Variants in DYNC1I1 observed in about 807,000 individuals in gnomAD.
DYNC1I1 encodes the protein dynein cytoplasmic 1 intermediate chain 1, also known as cytoplasmic dynein 1 intermediate chain 1.
In DYNC1I1, 43 loss-of-function variants were observed where a neutral mutation model predicts 86.6. The ratio of observed to expected loss-of-function variants is 0.50; its 90% confidence interval spans 0.39 to 0.64. DYNC1I1 has a LOEUF of 0.64. Among genes scored for constraint, DYNC1I1 ranks in the 30% least tolerant of loss-of-function variants. DYNC1I1 has a pLI of 0.00. For missense variants in DYNC1I1, 604 were observed against 788.8 expected (o/e 0.77, Z 2.81); for synonymous variants, 262 against 283.7 (o/e 0.92, Z 0.77).
intron 5 of DYNC1I1, among the ~76,000 whole-genome samples, chr7:95,838,586 G>A (rs898350899): frequency 1.3e-5 from 2 of 152,100 alleles, no homozygotes; most frequent in Admixed American, 1.3e-4. Flanking sequence ...TATCATTTAA[G>A]TTTTGGTAGA....
chr7:95,825,445 G>A (rs1304668230), intron 4 of DYNC1I1, among the ~76,000 whole-genome samples: 1 of 152,160 alleles, frequency 6.6e-6, no homozygotes, highest in Non-Finnish European at 1.5e-5. Context: ...CTGCTCTTTT[G>A]TCTACAGCAG....
intron 10 of DYNC1I1, among the ~76,000 whole-genome samples, chr7:96,006,348 G>T (rs1389090782): frequency 6.6e-6 from 1 of 152,126 alleles, no homozygotes; most frequent in Non-Finnish European, 1.5e-5. Flanking sequence ...TGGAGCAGGT[G>T]CTCAGAGGAG....
chr7:95,989,277 A>G (rs1326575718), intron 9 of DYNC1I1, among the ~76,000 whole-genome samples: 1 of 152,210 alleles, frequency 6.6e-6, no homozygotes, highest in Non-Finnish European at 1.5e-5. Flanking sequence ...CCTCATCAGC[A>G]ATAAAGTGGG....
At chr7:95,836,506 C>T (rs1254793165) in intron 5 of DYNC1I1, among the ~76,000 whole-genome samples, 28 of 151,494 alleles carry the variant, frequency 1.8e-4, no homozygotes, top group African/African-American at 4.4e-4. Context: ...TGAATCTGAA[C>T]GTTGGCCTGC....
chr7:96,087,281 A>T (rs1164982924), intron 16 of DYNC1I1, among the ~76,000 whole-genome samples: 4 of 150,544 alleles, frequency 2.7e-5, no homozygotes, highest in Non-Finnish European at 4.4e-5. Context: ...TAATTCAAAC[A>T]AGAGTCCCTT....
intron 5 of DYNC1I1, among the ~76,000 whole-genome samples, chr7:95,831,438 T>A (rs997312860): frequency 6.6e-6 from 1 of 152,196 alleles, no homozygotes; most frequent in Non-Finnish European, 1.5e-5. Context: ...AGTGGTGTGA[T>A]CTTGGCTCAC....
intron 16 of DYNC1I1, among the ~76,000 whole-genome samples, chr7:96,093,891 G>GA (rs1790921081): frequency 6.6e-6 from 1 of 152,018 alleles, no homozygotes; most frequent in Non-Finnish European, 1.5e-5. Flanking sequence ...TATTCTCAGA[G>GA]AAAAAATCCA....
At chr7:95,787,605 A>G (rs1215443659) in intron 1 of DYNC1I1, among the ~76,000 whole-genome samples, 2 of 152,314 alleles carry the variant, frequency 1.3e-5, no homozygotes, top group Non-Finnish European at 1.5e-5. Context: ...AGCCATATTT[A>G]TTCATTCATT....
chr7:95,921,472 CCA>C (rs1791608112), intron 6 of DYNC1I1, among the ~76,000 whole-genome samples: 1 of 152,198 alleles, frequency 6.6e-6, no homozygotes, highest in Non-Finnish European at 1.5e-5. Context: ...CTAGCTCTTT[CCA>C]CAGTTTCCAT....
At chr7:95,777,045 C>T (rs890505028) in intron 1 of DYNC1I1, among the ~76,000 whole-genome samples, 4 of 152,158 alleles carry the variant, frequency 2.6e-5, no homozygotes, top group African/African-American at 9.7e-5. Context: ...CCTACCATAG[C>T]TCATAGTTTC....
chr7:95,966,118 C>A (rs1184732741), intron 6 of DYNC1I1, among the ~76,000 whole-genome samples: 2 of 152,128 alleles, frequency 1.3e-5, no homozygotes, highest in African/African-American at 4.8e-5. Context: ...GAGGAGTCTA[C>A]TTCTATAATA....
At chr7:96,071,671 G>A (rs976238399) in intron 14 of DYNC1I1, among the ~76,000 whole-genome samples, 4 of 152,050 alleles carry the variant, frequency 2.6e-5, no homozygotes, top group African/African-American at 9.7e-5. Context: ...TAGCTTTCAG[G>A]AGAAAAAGAT....
chr7:95,830,504 A>C (rs1208991100), intron 5 of DYNC1I1, among the ~76,000 whole-genome samples: 1 of 152,200 alleles, frequency 6.6e-6, no homozygotes, highest in East Asian at 1.9e-4. Context: ...ATTCAGAAGG[A>C]TTATTTTGAG....
chr7:96,059,863 C>T (rs6965020), intron 14 of DYNC1I1, among the ~76,000 whole-genome samples: 35,780 of 151,958 alleles, frequency 0.24, 4,430 homozygotes, highest in East Asian at 0.33. Flanking sequence ...AAAACTGAAC[C>T]GACAGAAGAT....
At chr7:95,993,726 T>G (rs1793788173) in intron 9 of DYNC1I1, among the ~76,000 whole-genome samples, 1 of 152,220 alleles carries the variant, frequency 6.6e-6, no homozygotes, top group South Asian at 2.1e-4. Flanking sequence ...ATTTCTTTAG[T>G]TGAGGCTGCT....
chr7:95,868,853 T>G (rs1042495252), intron 5 of DYNC1I1, among the ~76,000 whole-genome samples: 7 of 152,156 alleles, frequency 4.6e-5, no homozygotes, highest in African/African-American at 1.7e-4. Flanking sequence ...TTGTTCAAGA[T>G]GAGACACACG....
chr7:95,836,113 A>G (rs953552903), intron 5 of DYNC1I1, among the ~76,000 whole-genome samples: 2 of 152,144 alleles, frequency 1.3e-5, no homozygotes, highest in African/African-American at 2.4e-5. Flanking sequence ...GCTGGTACCA[A>G]TTGTTCCTTT....
At chr7:95,814,138 A>G (rs986086370) in intron 4 of DYNC1I1, among the ~76,000 whole-genome samples, 17 of 152,188 alleles carry the variant, frequency 1.1e-4, no homozygotes, top group Admixed American at 7.9e-4. Flanking sequence ...CTTAAAGGCC[A>G]GATGGCCCCC....
rs187977597 is a variant in DYNC1I1, at chr7:96,017,466, G to A, written c.970-10709G>A. ...TGAAAAAGCCACCTTTGTTCTGAACGTGCTTCAGTGAGCATTATTGTCAGA... is the reference window on the plus strand; with the variant it reads ...TGAAAAAGCCACCTTTGTTCTGAACATGCTTCAGTGAGCATTATTGTCAGA... On this transcript the variant is annotated intron_variant, in intron 10 of 16. Coordinates refer to ENST00000447467, the MANE Select transcript of DYNC1I1 (RefSeq NM_001135556.2). Among the ~76,000 whole-genome samples the A allele has an allele frequency of 1.8e-3, 272 of 152,272 alleles. 2 individuals carry two copies. The highest frequency in any genetic ancestry group is 6.1e-3 in the African/African-American group (254 of 41,564).
Sources: allele counts gnomAD v4.1 joint callset (sites outside exome capture counted in the v4.1 genomes callset), GRCh38; gene constraint gnomAD v4.1.1; transcripts MANE v1.5; gene names NCBI Gene and HGNC (gene_info 2026-07-23, HGNC 2026-07-21).